Variants in COPZ1 observed in about 807,000 individuals in gnomAD.
COPZ1 encodes the protein coat protein complex I subunit zeta 1.
A neutral mutation model predicts 31.7 loss-of-function variants in COPZ1; 4 were observed. The ratio of observed to expected loss-of-function variants is 0.13; its 90% confidence interval spans 0.06 to 0.29. The LOEUF (loss-of-function observed/expected upper bound fraction) is 0.29. Ranked by LOEUF, COPZ1 falls within the 10% of genes least tolerant of loss-of-function variation. The pLI is 1.00. For missense variants in COPZ1, 156 were observed against 211.5 expected, an observed-to-expected ratio of 0.74 and a Z score of 1.63; for synonymous variants, 74 against 79.0, an observed-to-expected ratio of 0.94 and a Z score of 0.33.
chr12:54,327,648 C>T lies in COPZ1; in HGVS notation c.18+2467C>T, dbSNP rs572836284. 1.5e-3 allele frequency among the ~76,000 whole-genome samples: 229 copies of T among 149,594 alleles called. 1 individual carries two copies. Among genetic ancestry groups the T allele is most frequent in the Non-Finnish European group, 2.4e-3 (163 of 67,196 alleles). On this transcript the variant is annotated intron_variant, in intron 1 of 8. Coordinates refer to ENST00000262061, the MANE Select transcript of COPZ1 (RefSeq NM_016057.3). ...GTGCAGTGGCTCATGCCTGTAATCC[C>T]AGCACTGTAAGAGGCTGAGGCAGGA... is the stretch of plus-strand genomic sequence containing the variant.
At chr12:54,342,095 GC>G (rs1020285368) in intron 2 of COPZ1, 110 bp from the exon 3 acceptor site, 1 of 743,154 alleles carries the variant, frequency 1.3e-6, no homozygotes, top group African/African-American at 1.7e-5. Flanking sequence ...TTTCTCCCTT[GC>G]CCCATGCCTT....
At chr12:54,339,257 TAAAAAA>T (rs72213270) in intron 1 of COPZ1, among the ~76,000 whole-genome samples, 1 of 120,216 alleles carries the variant, frequency 8.3e-6, no homozygotes, top group Non-Finnish European at 1.8e-5. Context: ...CCTTTTCTCT[TAAAAAA>T]AAAAAAAAAA....
intron 1 of COPZ1, among the ~76,000 whole-genome samples, chr12:54,332,335 C>T (rs1953772540): frequency 6.6e-6 from 1 of 151,834 alleles, no homozygotes; most frequent in South Asian, 2.1e-4. Context: ...TTCCAACAGA[C>T]AGGCTTTCTG....
intron 1 of COPZ1, among the ~76,000 whole-genome samples, chr12:54,334,595 T>C (rs1565590996): frequency 6.6e-6 from 1 of 152,106 alleles, no homozygotes; most frequent in African/African-American, 2.4e-5. Context: ...GGCTCATGCC[T>C]GTAATCCCAG....
At chr12:54,334,902 A>G (rs769988964) in intron 1 of COPZ1, among the ~76,000 whole-genome samples, 15 of 152,128 alleles carry the variant, frequency 9.9e-5, no homozygotes, top group African/African-American at 1.2e-4. Context: ...GGCCAGGTGC[A>G]GTGGCTCACA....
In COPZ1 at chr12:54,351,036, T is replaced by A. The variant is rs1954138767; in HGVS notation, c.*513T>A. Reference sequence around the variant, plus strand: ...CCCTAACCCCACTTAGTGACCTCAGTGTTTTCTTCCATTCCTTCTTACTGC... The same window carrying A: ...CCCTAACCCCACTTAGTGACCTCAGAGTTTTCTTCCATTCCTTCTTACTGC... On this transcript the variant is annotated 3_prime_UTR_variant, in exon 9 of 9. Coordinates refer to ENST00000262061, the MANE Select transcript of COPZ1 (RefSeq NM_016057.3). 1 of 168,438 alleles carries A rather than the reference T, an allele frequency of 5.9e-6. No individual in the cohort carries two copies. The highest frequency in any genetic ancestry group is 2.4e-5 in the African/African-American group (1 of 41,992). The allele number at this position is 168,438 out of a possible 1,614,324, so 10.4% of individuals were successfully genotyped here.
At chr12:54,350,120 G>T (rs1954122554) in intron 8 of COPZ1, 1 of 625,600 alleles carries the variant, frequency 1.6e-6, no homozygotes. Context: ...GGAAGGGAGG[G>T]GTTCCGTTTT....
Position 54,343,135 on chromosome 12 carries a change from G to A in COPZ1, c.170-90G>A, listed in dbSNP as rs1244974966. On this transcript the variant is annotated intron_variant, in intron 3 of 8. Coordinates refer to ENST00000262061, the MANE Select transcript of COPZ1 (RefSeq NM_016057.3). ...GCTTCCCAAGGTGCTGGGATTACAG[G>A]CATGAGCCACTGCGCCTGGCTGGTA... The A allele has an allele frequency of 4.0e-6, 4 of 993,136 alleles. No homozygotes were observed. The East Asian group carries it at 9.5e-5, about 24-fold the overall frequency. 61.5% of individuals were successfully genotyped at this position (993,136 alleles called of 1,614,324 possible).
intron 5 of COPZ1, 133 bp from the exon 6 acceptor site, chr12:54,347,634 C>T (rs1954086773): frequency 1.4e-6 from 1 of 735,810 alleles, no homozygotes; most frequent in East Asian, 2.8e-5. Flanking sequence ...AAAAGTTCTT[C>T]ACCTTATTTA....
chr12:54,330,470 T>A (rs1422641564), intron 1 of COPZ1, among the ~76,000 whole-genome samples: 1 of 152,118 alleles, frequency 6.6e-6, no homozygotes. Flanking sequence ...TTATATATAT[T>A]TTTTCCCTCT....
In COPZ1 at chr12:54,349,488, GAC is replaced by G. The variant is rs1954113856; in HGVS notation, c.448-131_448-130del. ...TGTAGCTGTACTAGTCCCTAGAAGG[GAC>G]TGAGAAGTTCAGTGCATCTGCCCTT... On this transcript the variant is annotated intron_variant, in intron 7 of 8. Coordinates refer to ENST00000262061, the MANE Select transcript of COPZ1 (RefSeq NM_016057.3). 4 of 783,436 alleles carry G rather than the reference GAC, an allele frequency of 5.1e-6. No homozygotes were observed. In the Admixed American group the frequency reaches 6.9e-5, roughly 14 times the overall value. The allele number at this position is 783,436 out of a possible 1,614,324, so 48.5% of individuals were successfully genotyped here. A position where few individuals can be genotyped will look rare whatever the true frequency, so the allele number is the denominator to read the frequency against.
chr12:54,328,594 T>G (rs1953702479), intron 1 of COPZ1, among the ~76,000 whole-genome samples: 1 of 152,180 alleles, frequency 6.6e-6, no homozygotes, highest in Non-Finnish European at 1.5e-5. Flanking sequence ...AAAGTCTCTC[T>G]GTCACATTTC....
chr12:54,342,659 A>G (rs1307228154), intron 3 of COPZ1: 1 of 232,642 alleles, frequency 4.3e-6, no homozygotes, highest in Non-Finnish European at 8.5e-6. Context: ...ATATACAAGT[A>G]GGGAAATAGG....
chr12:54,329,089 C>A (rs1953709207), intron 1 of COPZ1, among the ~76,000 whole-genome samples: 1 of 152,172 alleles, frequency 6.6e-6, no homozygotes, highest in Non-Finnish European at 1.5e-5. Context: ...GAAAGAGACC[C>A]TTTCATCTCT....
At position 54,327,283 on chromosome 12, in the gene COPZ1, G is replaced by A. The variant is rs566694077; in HGVS notation, c.18+2102G>A. Among the ~76,000 whole-genome samples the A allele has an allele frequency of 1.9e-3, 282 of 148,598 alleles. 2 individuals carry two copies. The highest frequency in any genetic ancestry group is 4.6e-3 in the African/African-American group (186 of 40,210). On this transcript the variant is annotated intron_variant, in intron 1 of 8. Coordinates refer to ENST00000262061, the MANE Select transcript of COPZ1 (RefSeq NM_016057.3). ...TTACAGGTGTGAGTCACTGCACCCCGGCCAGTTAGCAAGTTTTTTTTTTTT... is the reference window on the plus strand; with the variant it reads ...TTACAGGTGTGAGTCACTGCACCCCAGCCAGTTAGCAAGTTTTTTTTTTTT...
chr12:54,329,947 G>T (rs887059191), intron 1 of COPZ1, among the ~76,000 whole-genome samples: 3 of 152,076 alleles, frequency 2.0e-5, no homozygotes, highest in Non-Finnish European at 4.4e-5. Context: ...AGAGGTACTT[G>T]GCCTAAATGC....
At chr12:54,339,012 A>G (rs1221301460) in intron 1 of COPZ1, among the ~76,000 whole-genome samples, 1 of 152,152 alleles carries the variant, frequency 6.6e-6, no homozygotes, top group Admixed American at 6.5e-5. Flanking sequence ...TGTCAAACAC[A>G]TACTTTTGTG....
At chr12:54,341,227 C>T (rs1014753795) in intron 2 of COPZ1, among the ~76,000 whole-genome samples, 3 of 152,120 alleles carry the variant, frequency 2.0e-5, no homozygotes, top group African/African-American at 7.2e-5. Context: ...ACCATGTCAC[C>T]CTGCCTGGGT....
In COPZ1 at chr12:54,335,662, A is replaced by G. The variant is rs191268799; in HGVS notation, c.19-4885A>G. Among the ~76,000 whole-genome samples the G allele has an allele frequency of 2.5e-3, 371 of 150,492 alleles. 3 individuals are homozygous for G. Among genetic ancestry groups the G allele is most frequent in the African/African-American group, 8.7e-3 (354 of 40,908 alleles). ...TTAAGTAGACAATGAAGAACTTTTT[A>G]GTGATCTCAGTCAGCTTCTTTTTTT... On this transcript the variant is annotated intron_variant, in intron 1 of 8. Coordinates refer to ENST00000262061, the MANE Select transcript of COPZ1 (RefSeq NM_016057.3).
Sources: allele counts gnomAD v4.1 joint callset (sites outside exome capture counted in the v4.1 genomes callset), GRCh38; gene constraint gnomAD v4.1.1; transcripts MANE v1.5; gene names NCBI Gene and HGNC (gene_info 2026-07-23, HGNC 2026-07-21).